Variants in WDR44 observed in about 807,000 individuals in gnomAD.
The protein encoded by WDR44 is WD repeat-containing protein 44.
Under a neutral mutation model 65.7 loss-of-function variants are expected in WDR44, and 9 were observed. That is an observed-to-expected ratio of 0.14 (90% CI 0.08 to 0.24). The LOEUF (loss-of-function observed/expected upper bound fraction) is 0.24, where lower values mean the gene tolerates loss of function less well. WDR44 is among the 10% of genes least tolerant of loss of function. WDR44 has a pLI of 1.00. For missense variants in WDR44, 425 were observed against 670.9 expected (o/e 0.63, Z 4.05); for synonymous variants, 220 against 235.2 (o/e 0.94, Z 0.59).
intron 11 of WDR44, 74 bp from the exon 12 acceptor site, chrX:118,410,813 GTCATTACT>G: frequency 2.6e-6 from 2 of 768,753 alleles, no homozygotes; most frequent in Non-Finnish European, 3.9e-6. Context: ...ACATTGCTGT[GTCATTACT>G]TCTGGATGTT....
At chrX:118,353,177 G>A (rs2056429630) in intron 1 of WDR44, among the ~76,000 whole-genome samples, 1 of 111,654 alleles carries the variant, frequency 9.0e-6, no homozygotes, top group Admixed American at 9.5e-5. Flanking sequence ...TTAATAGGGT[G>A]CTTTCCTTAC....
chrX:118,424,323 GTATATATATATATATATATATATATGTA>G (rs2057136128), intron 12 of WDR44, among the ~76,000 whole-genome samples: 1 of 65,566 alleles, frequency 1.5e-5, no homozygotes, highest in Non-Finnish European at 2.5e-5. Context: ...GTGTGTGTGT[GTATATATATATATATATATATATATGTA>G]TATATATATA....
intron 1 of WDR44, among the ~76,000 whole-genome samples, chrX:118,354,373 A>C (rs1284777764): frequency 9.1e-6 from 1 of 109,740 alleles, no homozygotes; most frequent in South Asian, 4.0e-4. Context: ...AGCTATGGTC[A>C]CGCCACTGTA....
chrX:118,358,951 G>T (rs1028275408), intron 1 of WDR44, among the ~76,000 whole-genome samples: 2 of 109,732 alleles, frequency 1.8e-5, no homozygotes, highest in African/African-American at 6.7e-5. Context: ...GCACACAGGA[G>T]CTCCTCCAGC....
At chrX:118,349,547 A>G (rs1602844477) in intron 1 of WDR44, among the ~76,000 whole-genome samples, 1 of 97,148 alleles carries the variant, frequency 1.0e-5, no homozygotes, top group Admixed American at 1.2e-4. Context: ...CTTCATTTTT[A>G]CATATGAGGA....
intron 2 of WDR44, among the ~76,000 whole-genome samples, chrX:118,378,735 T>TGTGTGTGTGTGTG (rs1556057149): frequency 2.8e-5 from 3 of 106,462 alleles, no homozygotes; most frequent in East Asian, 3.0e-4. Context: ...TGTGTGTGTG[T>TGTGTGTGTGTGTG]TGAAAAAGTG....
At chrX:118,346,693 C>CAGTGAGA in intron 1 of WDR44, 113 bp downstream of exon 1, 1 of 600,604 alleles carries the variant, frequency 1.7e-6, no homozygotes, top group African/African-American at 2.4e-5. Flanking sequence ...GCTGTTCCTC[C>CAGTGAGA]CCGTCTCACT....
chrX:118,422,685 C>T (rs1462615182), intron 12 of WDR44, among the ~76,000 whole-genome samples: 1 of 108,245 alleles, frequency 9.2e-6, no homozygotes, highest in Non-Finnish European at 1.9e-5. Context: ...GAGCAAAACT[C>T]CGTCTCAAAA....
chrX:118,443,633 A>G lies in WDR44; in HGVS notation c.2458A>G (p.Ser820Gly). The G allele has an allele frequency of 4.1e-6, 5 of 1,211,213 alleles. No homozygotes were observed. Among genetic ancestry groups the G allele is most frequent in the Non-Finnish European group, 5.6e-6 (5 of 894,981 alleles). ...VYIWSTYHDL[S>G]KFTSVRRDRN... ...TATCTGGAGTACCTACCATGACCTA[A>G]GCAAGTTTACTTCAGTCAGGAGAGA... Residue 820 changes from serine (S) to glycine (G), a missense_variant, in exon 18 of 20, where the codon AGC becomes GGC. Physicochemically the swap from Ser to Gly is moderately conservative, Grantham distance 56. Transcript: ENST00000254029.
intron 8 of WDR44, among the ~76,000 whole-genome samples, 195 bp downstream of exon 8, chrX:118,398,665 G>A (rs2056886931): frequency 8.9e-6 from 1 of 112,411 alleles, no homozygotes; most frequent in Non-Finnish European, 1.9e-5. Context: ...AATGGCTCAC[G>A]CCTATAATCC....
chrX:118,431,072 C>G (rs774872961), intron 12 of WDR44, among the ~76,000 whole-genome samples: 2 of 111,366 alleles, frequency 1.8e-5, no homozygotes, highest in East Asian at 5.6e-4. Flanking sequence ...TAATCTATCC[C>G]CATGCCACTG....
intron 1 of WDR44, among the ~76,000 whole-genome samples, chrX:118,370,080 A>T (rs1343173316): frequency 8.9e-6 from 1 of 111,926 alleles, no homozygotes; most frequent in African/African-American, 3.2e-5. Flanking sequence ...GCTGTTTTTG[A>T]CATTAGTCTA....
At chrX:118,390,044 C>G (rs982845854) in intron 3 of WDR44, among the ~76,000 whole-genome samples, 4 of 107,516 alleles carry the variant, frequency 3.7e-5, no homozygotes, top group Admixed American at 2.1e-4. Flanking sequence ...CACCAACACA[C>G]CACCACGCCA....
intron 6 of WDR44, among the ~76,000 whole-genome samples, chrX:118,396,547 TAAAG>T (rs766296429): frequency 2.7e-5 from 3 of 112,209 alleles, no homozygotes; most frequent in Non-Finnish European, 3.8e-5. Flanking sequence ...CATGTTAAGT[TAAAG>T]AAACCGACAT....
intron 12 of WDR44, among the ~76,000 whole-genome samples, chrX:118,430,836 C>T (rs1015893125): frequency 9.0e-5 from 10 of 111,138 alleles, no homozygotes; most frequent in African/African-American, 3.3e-4. Flanking sequence ...AGTGAAACTC[C>T]GAATCTGATT....
intron 1 of WDR44, among the ~76,000 whole-genome samples, chrX:118,370,407 C>G (rs1323691469): frequency 9.1e-6 from 1 of 109,878 alleles, no homozygotes; most frequent in Non-Finnish European, 1.9e-5. Flanking sequence ...GGCCTGAGTT[C>G]ACGCAAGATC....
At chrX:118,386,707 C>T (rs912625934) in intron 2 of WDR44, among the ~76,000 whole-genome samples, 2 of 111,609 alleles carry the variant, frequency 1.8e-5, no homozygotes, top group Non-Finnish European at 3.8e-5. Context: ...TATAAAAGTA[C>T]GTAGAAGTTC....
At chrX:118,356,633 C>G (rs1379194979) in intron 1 of WDR44, among the ~76,000 whole-genome samples, 1 of 108,764 alleles carries the variant, frequency 9.2e-6, no homozygotes, top group African/African-American at 3.3e-5. Context: ...GGCTTTCAAA[C>G]TAATGGGAAA....
rs2056882391 is a variant in WDR44 at position 118,398,244 on chromosome X, A to T, written c.1191-143A>T. 2.2e-5 allele frequency: 9 copies of T among 409,723 alleles called. No individual in the cohort carries two copies. The East Asian group carries it at 3.8e-4, about 17-fold the overall frequency. 33.8% of individuals were successfully genotyped at this position (409,723 alleles called of 1,213,427 possible). A position where few individuals can be genotyped will look rare whatever the true frequency, so the allele number is the denominator to read the frequency against. On this transcript the variant is annotated intron_variant, in intron 7 of 19. Coordinates refer to ENST00000254029, the MANE Select transcript of WDR44 (RefSeq NM_019045.5). ...AGAGCAAGACTCCATCTCCTAAATA[A>T]ATAAATAAATAATTAAAATTATGTA...
Sources: allele counts gnomAD v4.1 joint callset (sites outside exome capture counted in the v4.1 genomes callset), GRCh38; gene constraint gnomAD v4.1.1; transcripts MANE v1.5; gene names NCBI Gene and HGNC (gene_info 2026-07-23, HGNC 2026-07-21).